NCOR2: variants seen among roughly 807,000 people sequenced by gnomAD.
NCOR2 encodes the protein nuclear receptor corepressor 2.
Under a neutral mutation model 262.9 loss-of-function variants are expected in NCOR2, and 81 were observed. That is an observed-to-expected ratio of 0.31 (90% CI 0.26 to 0.37). The LOEUF (loss-of-function observed/expected upper bound fraction) is 0.37, where lower values mean the gene tolerates loss of function less well. NCOR2 is among the 10% of genes least tolerant of loss of function. NCOR2 has a pLI of 1.00. For missense variants in NCOR2, 3,385 were observed against 3,621.4 expected (o/e 0.93, Z 1.68); for synonymous variants, 1,659 against 1,559.3 (o/e 1.06, Z -1.51).
chr12:124,347,525 T>C (rs991015915), intron 30 of NCOR2: 3 of 386,266 alleles, frequency 7.8e-6, no homozygotes, highest in Admixed American at 3.9e-5. Context: ...CTCACCAGGA[T>C]GTTCTGTAAA....
intron 9 of NCOR2, 61 bp from the exon 12 acceptor site, chr12:124,429,767 C>A (rs970062087): frequency 2.5e-5 from 37 of 1,464,770 alleles, no homozygotes; most frequent in Non-Finnish European, 3.4e-5. Context: ...ACTAGCAGAC[C>A]CCTGTGGCGC....
intron 22 of NCOR2, among the ~76,000 whole-genome samples, chr12:124,360,076 G>A (rs918985997): frequency 3.9e-5 from 6 of 152,182 alleles, no homozygotes; most frequent in African/African-American, 1.4e-4. Context: ...CCCAGGACAG[G>A]GGCCTGCGAC....
chr12:124,393,442 C>A (rs2041449839), intron 16 of NCOR2, among the ~76,000 whole-genome samples: 1 of 152,248 alleles, frequency 6.6e-6, no homozygotes, highest in African/African-American at 2.4e-5. Context: ...CAGCCCCTCC[C>A]CAGTGGCCTC....
chr12:124,418,308 G>A (rs938336923), intron 13 of NCOR2, among the ~76,000 whole-genome samples: 16 of 152,226 alleles, frequency 1.1e-4, no homozygotes, highest in African/African-American at 3.1e-4. Context: ...GGAATGCGGC[G>A]AGGGGTGGCT....
At position 124,566,527 on chromosome 12, in the gene NCOR2, C is replaced by T. The variant is rs1459539654; in HGVS notation, c.-165+781G>A. 6.6e-6 allele frequency among the ~76,000 whole-genome samples: 1 copy of T among 152,228 alleles called. No individual in the cohort carries two copies. Among genetic ancestry groups the T allele is most frequent in the Non-Finnish European group, 1.5e-5 (1 of 68,034 alleles). ...CACGGGTGCCCTCACTCCCCGCAGG[C>T]CTCTGAGGAAGCTGCCCTCTAGACA... is the stretch of plus-strand genomic sequence containing the variant. On this transcript the variant is annotated intron_variant, in intron 1 of 32. Coordinates refer to the NCOR2 transcript ENST00000458234. The surrounding 1 kb of genome is among the most constrained non-coding windows in gnomAD (Gnocchi z 4.3).
intron 1 of NCOR2, among the ~76,000 whole-genome samples, chr12:124,560,068 G>A (rs1255564959): frequency 2.0e-5 from 3 of 152,228 alleles, no homozygotes; most frequent in Non-Finnish European, 2.9e-5. Flanking sequence ...GCTAGAAGGA[G>A]GGGTTTTAGG....
At chr12:124,539,412 C>T (rs2051221499), upstream of NCOR2, 1 of 152,708 alleles carries the variant, frequency 6.5e-6, no homozygotes, top group Non-Finnish European at 1.5e-5. The surrounding 1 kb of genome is among the most constrained non-coding windows in gnomAD (Gnocchi z 5.1). Context: ...GCACAGCATC[C>T]CACCAGCTCC....
chr12:124,543,560 A>G (rs988511550), intron 1 of NCOR2, among the ~76,000 whole-genome samples: 3 of 152,328 alleles, frequency 2.0e-5, no homozygotes, highest in East Asian at 1.9e-4. Context: ...CCGTGGATTT[A>G]GCAGGGACTA....
chr12:124,376,146 C>A (rs1029455655), intron 18 of NCOR2, among the ~76,000 whole-genome samples: 3 of 152,196 alleles, frequency 2.0e-5, no homozygotes, highest in African/African-American at 7.2e-5. Context: ...TTAATCAGGG[C>A]CTCTCACCTG....
At chr12:124,471,748 G>C (rs2046844010) in intron 4 of NCOR2, among the ~76,000 whole-genome samples, 1 of 152,170 alleles carries the variant, frequency 6.6e-6, no homozygotes, top group Non-Finnish European at 1.5e-5. Flanking sequence ...TAAATTATTT[G>C]TAGAGACAGG....
exon 24 of NCOR2, chr12:124,355,502 T>C (rs982236332): frequency 6.2e-7 from 1 of 1,609,212 alleles, no homozygotes; most frequent in African/African-American, 1.3e-5. Flanking sequence ...GGGAGGCGGG[T>C]TGGAGATGGT....
intron 15 of NCOR2, among the ~76,000 whole-genome samples, chr12:124,399,944 G>A (rs1337458655): frequency 6.6e-6 from 1 of 152,172 alleles, no homozygotes; most frequent in Non-Finnish European, 1.5e-5. Context: ...GCCCACGGAA[G>A]TGAAGGTACA....
exon 23 of NCOR2, chr12:124,356,751 C>T (rs978787899): frequency 6.7e-7 from 1 of 1,493,114 alleles, no homozygotes. Flanking sequence ...AAGGGGGGTC[C>T]CCAGGCAGCT....
intron 17 of NCOR2, chr12:124,383,613 C>A: frequency 4.5e-6 from 1 of 222,866 alleles, no homozygotes. Flanking sequence ...ATAACCACAG[C>A]AGTAAGAGTA....
chr12:124,500,084 G>C (rs2048616302), upstream of NCOR2, among the ~76,000 whole-genome samples: 1 of 152,134 alleles, frequency 6.6e-6, no homozygotes, highest in Non-Finnish European at 1.5e-5. Context: ...CAGCCATGCA[G>C]AGTCAGGAGG....
At chr12:124,428,870 G>C (rs1017395629) in intron 10 of NCOR2, among the ~76,000 whole-genome samples, 1 of 152,230 alleles carries the variant, frequency 6.6e-6, no homozygotes, top group Non-Finnish European at 1.5e-5. Context: ...TGGCTGCCTC[G>C]TGTCTGCTGT....
chr12:124,394,705 C>T (rs530523469), intron 16 of NCOR2, among the ~76,000 whole-genome samples: 1 of 152,310 alleles, frequency 6.6e-6, no homozygotes, highest in East Asian at 1.9e-4. Flanking sequence ...AAGGCAGGCT[C>T]CTCCCCAGAG....
At chr12:124,500,566 A>T (rs1465977163) in intron 1 of NCOR2, among the ~76,000 whole-genome samples, 1 of 152,154 alleles carries the variant, frequency 6.6e-6, no homozygotes, top group Non-Finnish European at 1.5e-5. Context: ...GTAGGTGCAC[A>T]CTGAATGACT....
exon 38 of NCOR2, chr12:124,336,847 G>A (rs780133294): frequency 3.5e-5 from 56 of 1,612,204 alleles, no homozygotes; most frequent in Non-Finnish European, 4.2e-5. Flanking sequence ...GCGCCGGCGG[G>A]TCCGGGCTGG....
Sources: gnomAD v4.1 joint callset for allele counts (sites outside exome capture counted in the v4.1 genomes callset) on GRCh38, gnomAD v4.1.1 for gene constraint, Gnocchi (gnomAD v3.1) non-coding constraint, MANE v1.5 for transcripts, NCBI Gene and HGNC (gene_info 2026-07-23, HGNC 2026-07-21) for gene names.